The following MICAL3 variants were observed in gnomAD, a reference collection of about 807,000 sequenced individuals.
The protein encoded by MICAL3 is microtubule associated monooxygenase, calponin and LIM domain containing 3.
Under a neutral mutation model 207.4 loss-of-function variants are expected in MICAL3, and 62 were observed. The observed-to-expected ratio is 0.30, with a 90% confidence interval of 0.24 to 0.37. MICAL3 has a LOEUF of 0.37. Among genes scored for constraint, MICAL3 ranks in the 10% least tolerant of loss-of-function variants. The pLI is 1.00. For missense variants in MICAL3, 2,368 were observed against 2,635.6 expected, an observed-to-expected ratio of 0.90 and a Z score of 2.22; for synonymous variants, 1,077 against 1,069.3, an observed-to-expected ratio of 1.01 and a Z score of -0.14.
At chr22:17,909,164 C>T (rs150374812) in intron 1 of MICAL3, among the ~76,000 whole-genome samples, 1 of 152,340 alleles carries the variant, frequency 6.6e-6, no homozygotes, top group East Asian at 1.9e-4. Flanking sequence ...ATGGAACACA[C>T]TGGCTGGGCT....
chr22:17,996,034 C>A (rs920573746), intron 1 of MICAL3, among the ~76,000 whole-genome samples: 1 of 150,970 alleles, frequency 6.6e-6, no homozygotes, highest in African/African-American at 2.4e-5. Flanking sequence ...TGGTGGTGCA[C>A]GCCTGTAGTC....
At position 17,981,469 on chromosome 22, in the gene MICAL3, T is replaced by C. The variant is rs1172259782; in HGVS notation, c.-75+42812A>G. 3.9e-5 allele frequency among the ~76,000 whole-genome samples: 6 copies of C among 152,340 alleles called. No homozygotes were observed. The East Asian group carries it at 1.2e-3, about 29-fold the overall frequency. On this transcript the variant is annotated intron_variant, in intron 1 of 31. Transcript: ENST00000441493. ...CTCAATTTTCTTGTACTATTCACAA[T>C]ATAATGGTTACAGACACAAAATACT...
At chr22:17,830,123 C>T (rs1019800124) in intron 21 of MICAL3, among the ~76,000 whole-genome samples, 10 of 152,098 alleles carry the variant, frequency 6.6e-5, no homozygotes, top group African/African-American at 2.2e-4. Flanking sequence ...ACTGGCCTTG[C>T]AGTTCTGTGT....
chr22:17,877,265 A>AGTTATGGAGGTTAGGGAG (rs1227983554), intron 16 of MICAL3, among the ~76,000 whole-genome samples: 4 of 4,864 alleles, frequency 8.2e-4, no homozygotes, highest in Non-Finnish European at 1.0e-3. Flanking sequence ...AGGTTAGGGA[A>AGTTATGGAGGTTAGGGAG]GTTATGGAGG....
chr22:17,894,724 G>A (rs1930677386), intron 10 of MICAL3, among the ~76,000 whole-genome samples: 1 of 149,564 alleles, frequency 6.7e-6, no homozygotes, highest in Non-Finnish European at 1.5e-5. Flanking sequence ...TTGAACCCAG[G>A]AAGTGGAGGC....
intron 1 of MICAL3, among the ~76,000 whole-genome samples, chr22:17,958,383 C>T (rs1319124155): frequency 2.0e-5 from 3 of 152,206 alleles, no homozygotes; most frequent in Non-Finnish European, 2.9e-5. Flanking sequence ...TGGCAGATGG[C>T]CAGAGGCAGT....
chr22:17,790,783 C>A lies in MICAL3; in HGVS notation c.5958G>T (p.Lys1986Asn), dbSNP rs1484783454. 6.2e-7 allele frequency: 1 copy of A among 1,612,542 alleles called. No individual in the cohort carries two copies. Among genetic ancestry groups the A allele is most frequent in the South Asian group, 1.1e-5 (1 of 90,832 alleles). The part of the protein sequence containing the change: ...EQRLREREED[K>N]DLEAAMLSKG... Reference sequence around the variant, plus strand: ...TGGACAGCATGGCAGCCTCCAGGTCCTTGTCCTCCTCTCTCTCCCGGAGCC... The same window carrying A: ...TGGACAGCATGGCAGCCTCCAGGTCATTGTCCTCCTCTCTCTCCCGGAGCC... The change falls in exon 32 of 32, where the codon AAG (lysine) becomes AAT (asparagine). Residue 1986 changes from lysine (K) to asparagine (N), a missense_variant. Physicochemically the swap from Lys to Asn is moderately conservative, Grantham distance 94. Coordinates refer to ENST00000441493, the MANE Select transcript of MICAL3 (RefSeq NM_015241.3).
intron 1 of MICAL3, among the ~76,000 whole-genome samples, chr22:17,974,185 T>TA (rs1430823663): frequency 6.6e-6 from 1 of 152,146 alleles, no homozygotes; most frequent in African/African-American, 2.4e-5. Flanking sequence ...CCCAGCTCCC[T>TA]AGGGCTTTGT....
Position 17,790,803 on chromosome 22 carries a change from G to C in MICAL3, c.5938C>G (p.Arg1980Gly), listed in dbSNP as rs547316266. Residue 1980 changes from arginine to glycine, a missense_variant, in exon 32 of 32, where the codon CGG becomes GGG. Around this residue, in one of 4 missense-constraint regions of MICAL3, gnomAD observed 1,770 missense variants for 1,863.2 expected, o/e 0.95. Coordinates refer to ENST00000441493, the MANE Select transcript of MICAL3 (RefSeq NM_015241.3). The stretch of plus-strand genomic sequence containing the variant: ...AGGTCCTTGTCCTCCTCTCTCTCCC[G>C]GAGCCGCTGCTCCTCCAGCAGCGCC... Reference protein sequence around the residue: ...LVALLEEQRLREREEDKDLEA... With the variant: ...LVALLEEQRLGEREEDKDLEA... The C allele has an allele frequency of 6.2e-7, 1 of 1,613,352 alleles. No homozygotes were observed. Among genetic ancestry groups the C allele is most frequent in the Non-Finnish European group, 8.5e-7 (1 of 1,179,796 alleles).
intron 1 of MICAL3, among the ~76,000 whole-genome samples, chr22:17,973,641 C>T (rs1935515654): frequency 6.6e-6 from 1 of 152,210 alleles, no homozygotes; most frequent in Non-Finnish European, 1.5e-5. Flanking sequence ...TTCGAAAAGA[C>T]AGGCTGGCCA....
intron 1 of MICAL3, among the ~76,000 whole-genome samples, chr22:18,010,597 T>C: frequency 6.6e-6 from 1 of 152,108 alleles, no homozygotes; most frequent in Non-Finnish European, 1.5e-5. Flanking sequence ...CATGGGGAGA[T>C]GAAAAAGGTA....
At position 17,994,943 on chromosome 22, in the gene MICAL3, CTGCAGACG is replaced by C. The variant is rs1333231145; in HGVS notation, c.-75+29330_-75+29337del. ...AACAGATATACAATTCAACAGACAC[CTGCAGACG>C]TGCCTAATGCAGGAAGACTCCTCAC... On this transcript the variant is annotated intron_variant, in intron 1 of 31. Coordinates refer to ENST00000441493, the MANE Select transcript of MICAL3 (RefSeq NM_015241.3). 7.2e-5 allele frequency among the ~76,000 whole-genome samples: 11 copies of C among 152,216 alleles called. No homozygotes were observed. The East Asian group carries it at 1.9e-3, about 27-fold the overall frequency.
intron 1 of MICAL3, among the ~76,000 whole-genome samples, chr22:18,013,776 T>C (rs969479595): frequency 6.6e-6 from 1 of 152,102 alleles, no homozygotes; most frequent in African/African-American, 2.4e-5. Context: ...TTGATCCAAA[T>C]ACAATCTCTC....
At chr22:17,810,655 C>T in intron 28 of MICAL3, 48 bp downstream of exon 28, 1 of 1,468,572 alleles carries the variant, frequency 6.8e-7, no homozygotes, top group Non-Finnish European at 9.5e-7. Flanking sequence ...GGAGATGCTG[C>T]CCAACCCTCC....
At chr22:17,916,534 T>C (rs1025027194) in intron 1 of MICAL3, among the ~76,000 whole-genome samples, 1 of 152,216 alleles carries the variant, frequency 6.6e-6, no homozygotes, top group African/African-American at 2.4e-5. Context: ...CAAGTAGACC[T>C]TGTCCTCAGC....
intron 1 of MICAL3, among the ~76,000 whole-genome samples, chr22:18,017,069 T>C (rs1924104508): frequency 6.6e-6 from 1 of 152,218 alleles, no homozygotes; most frequent in Admixed American, 6.5e-5. Flanking sequence ...CTAACTTTCT[T>C]GCACCACCAC....
At chr22:18,007,326 A>G (rs1300886303) in intron 1 of MICAL3, 2 of 151,926 alleles carry the variant, frequency 1.3e-5, no homozygotes, top group Non-Finnish European at 2.9e-5. Context: ...CTTTTTCTGT[A>G]TTATCTTTTT....
Position 17,981,601 on chromosome 22 carries a change from T to C in MICAL3, c.-75+42680A>G, listed in dbSNP as rs1429067170. Among the ~76,000 whole-genome samples, 5 of 152,072 alleles carry C rather than the reference T, an allele frequency of 3.3e-5. No homozygotes were observed. The East Asian group carries it at 7.7e-4, about 23-fold the overall frequency. ...TTGCGAGTGTCCATGGTGTAAATGC[T>C]CCCACCAAGGCTAATGTCCAGCCCC... is the stretch of plus-strand genomic sequence containing the variant. On this transcript the variant is annotated intron_variant, in intron 1 of 31. Coordinates refer to ENST00000441493, the MANE Select transcript of MICAL3 (RefSeq NM_015241.3).
chr22:17,992,751 ACTGT>A (rs1430704353), intron 1 of MICAL3, among the ~76,000 whole-genome samples: 2 of 151,966 alleles, frequency 1.3e-5, no homozygotes, highest in African/African-American at 4.8e-5. Context: ...CCTGCCTCAT[ACTGT>A]CTTTTTCTGC....
Sources: gnomAD v4.1 joint callset for allele counts (sites outside exome capture counted in the v4.1 genomes callset) on GRCh38, gnomAD v4.1.1 for gene constraint, gnomAD v4.1.1 regional missense constraint, MANE v1.5 for transcripts, NCBI Gene and HGNC (gene_info 2026-07-23, HGNC 2026-07-21) for gene names.